Variants in FHIT observed in about 807,000 individuals in gnomAD.
FHIT encodes fragile histidine triad diadenosine triphosphatase.
A neutral mutation model predicts 17.9 loss-of-function variants in FHIT; 19 were observed. The ratio of observed to expected loss-of-function variants is 1.06; its 90% CI spans 0.74 to 1.56. The LOEUF is 1.56. Among genes scored for constraint, FHIT ranks in the 40% most tolerant of loss-of-function variants. The pLI, the probability that FHIT is intolerant of heterozygous loss-of-function variation, is 0.00. For missense variants in FHIT, 248 were observed against 189.2 expected (o/e 1.31, Z -1.82); for synonymous variants, 81 against 69.7 (o/e 1.16, Z -0.81).
At chr3:60,577,595 G>T (rs1161972720) in intron 4 of FHIT, among the ~76,000 whole-genome samples, 3 of 152,104 alleles carry the variant, frequency 2.0e-5, no homozygotes, top group Admixed American at 6.6e-5. Flanking sequence ...TAAGAAAAAG[G>T]TTGCAGAGTT....
At chr3:60,756,182 C>T (rs1482740766) in intron 4 of FHIT, among the ~76,000 whole-genome samples, 1 of 152,220 alleles carries the variant, frequency 6.6e-6, no homozygotes, top group Non-Finnish European at 1.5e-5. Context: ...CATCTTGATT[C>T]TCTGTAGAGA....
intron 3 of FHIT, among the ~76,000 whole-genome samples, chr3:60,986,757 C>T (rs1028000151): frequency 1.9e-4 from 29 of 152,114 alleles, no homozygotes; most frequent in Admixed American, 1.9e-3. Context: ...GAAATTTCAC[C>T]AGCATCATAG....
intron 5 of FHIT, among the ~76,000 whole-genome samples, chr3:60,114,488 C>CTTTTTT (rs145618938): frequency 0.045 from 2,666 of 59,462 alleles, 721 homozygotes; most frequent in African/African-American, 0.19. Context: ...CAAGAGAAAT[C>CTTTTTT]CTTTTTTTTT....
chr3:59,832,243 A>T lies in FHIT; in HGVS notation c.349-79922T>A, dbSNP rs979327632. On this transcript the variant is annotated intron_variant, in intron 8 of 9. Coordinates refer to ENST00000492590, the MANE Select transcript of FHIT (RefSeq NM_002012.4). ...GTCCCTCAGTTTCAGGAGCCATGGGAGCAAATCGAGGGGCAAAAGTTACTT... is the reference window on the plus strand; with the variant it reads ...GTCCCTCAGTTTCAGGAGCCATGGGTGCAAATCGAGGGGCAAAAGTTACTT... Among the ~76,000 whole-genome samples, 15 of 152,236 alleles carry T rather than the reference A, an allele frequency of 9.9e-5. No homozygotes were observed. In the East Asian group the frequency reaches 2.9e-3, roughly 29 times the overall value.
intron 5 of FHIT, among the ~76,000 whole-genome samples, chr3:60,416,523 G>A (rs528086900): frequency 6.6e-6 from 1 of 152,146 alleles, no homozygotes; most frequent in African/African-American, 2.4e-5. Context: ...ATGCATACAT[G>A]AATTAGCTTG....
At chr3:60,214,245 C>A (rs1194798718) in intron 5 of FHIT, among the ~76,000 whole-genome samples, 1 of 152,142 alleles carries the variant, frequency 6.6e-6, no homozygotes. Context: ...AGTCTAATCA[C>A]CTCATTATAC....
intron 8 of FHIT, among the ~76,000 whole-genome samples, chr3:59,803,551 G>T (rs764716648): frequency 1.3e-5 from 2 of 152,204 alleles, no homozygotes; most frequent in African/African-American, 4.8e-5. Context: ...AACACTTTGC[G>T]TATGAACAAA....
At chr3:60,755,560 T>C (rs1217308448) in intron 4 of FHIT, among the ~76,000 whole-genome samples, 1 of 152,168 alleles carries the variant, frequency 6.6e-6, no homozygotes, top group Non-Finnish European at 1.5e-5. Context: ...GACAAGCTTG[T>C]GCCATTTATC....
chr3:60,469,537 C>A (rs2032974507), intron 5 of FHIT, among the ~76,000 whole-genome samples: 1 of 152,152 alleles, frequency 6.6e-6, no homozygotes, highest in Non-Finnish European at 1.5e-5. Flanking sequence ...TTGTCTAATA[C>A]AACTCTGAAC....
intron 8 of FHIT, among the ~76,000 whole-genome samples, chr3:59,816,176 GTTC>G (rs944905771): frequency 6.6e-6 from 1 of 152,192 alleles, no homozygotes; most frequent in Admixed American, 6.5e-5. Flanking sequence ...AAGCTGGTGA[GTTC>G]TTCTGTGCCT....
chr3:60,743,528 A>G (rs544540823), intron 4 of FHIT, among the ~76,000 whole-genome samples: 1 of 152,322 alleles, frequency 6.6e-6, no homozygotes, highest in Admixed American at 6.5e-5. Flanking sequence ...TATAAACACA[A>G]AACATAGAGC....
intron 5 of FHIT, among the ~76,000 whole-genome samples, chr3:60,162,447 G>T (rs1304328495): frequency 3.3e-5 from 5 of 152,098 alleles, no homozygotes; most frequent in African/African-American, 1.2e-4. Context: ...ACTCATTTAT[G>T]TAACCAATGA....
chr3:59,957,324 T>C lies in FHIT; in HGVS notation c.280-34910A>G, dbSNP rs76315564. 9.8e-3 allele frequency among the ~76,000 whole-genome samples: 1,489 copies of C among 152,298 alleles called. 29 individuals carry two copies. The highest frequency in any genetic ancestry group is 0.034 in the African/African-American group (1,400 of 41,562). ...TTCGAGAGAAAAGATTGTGTGAAGA[T>C]AGAGCAAGAAGGTGGCTAGCTGGAT... is the stretch of plus-strand genomic sequence containing the variant. On this transcript the variant is annotated intron_variant, in intron 7 of 9. Transcript: ENST00000492590.
chr3:60,378,429 G>A (rs1190845593), intron 5 of FHIT, among the ~76,000 whole-genome samples: 1 of 152,162 alleles, frequency 6.6e-6, no homozygotes, highest in Non-Finnish European at 1.5e-5. Context: ...TGCAGATAGA[G>A]CTTACAAACC....
intron 5 of FHIT, among the ~76,000 whole-genome samples, chr3:60,452,909 T>A (rs1473845605): frequency 1.3e-5 from 2 of 152,128 alleles, no homozygotes; most frequent in African/African-American, 4.8e-5. Context: ...TATCTAAAGT[T>A]CATATAAAGA....
At chr3:60,134,655 G>A (rs2107278379) in intron 5 of FHIT, among the ~76,000 whole-genome samples, 1 of 152,276 alleles carries the variant, frequency 6.6e-6, no homozygotes, top group East Asian at 1.9e-4. Flanking sequence ...ATGGGCTCCT[G>A]TTCAGTCTCT....
chr3:60,870,638 T>C (rs1575622849), intron 3 of FHIT, among the ~76,000 whole-genome samples: 2 of 152,294 alleles, frequency 1.3e-5, no homozygotes. Flanking sequence ...TCAATTCCTT[T>C]TGTTCTCTTC....
chr3:60,529,999 G>A (rs2035715646), intron 5 of FHIT, among the ~76,000 whole-genome samples: 1 of 152,070 alleles, frequency 6.6e-6, no homozygotes, highest in Non-Finnish European at 1.5e-5. Context: ...TCTGAGAAAT[G>A]TACCTGCTAA....
intron 3 of FHIT, among the ~76,000 whole-genome samples, chr3:60,913,241 T>C (rs1706834495): frequency 6.6e-6 from 1 of 152,220 alleles, no homozygotes; most frequent in African/African-American, 2.4e-5. Flanking sequence ...GACTTGAGTA[T>C]CTAATATACA....
Sources: gnomAD v4.1 joint callset for allele counts (sites outside exome capture counted in the v4.1 genomes callset) on GRCh38, gnomAD v4.1.1 for gene constraint, MANE v1.5 for transcripts, NCBI Gene and HGNC (gene_info 2026-07-23, HGNC 2026-07-21) for gene names.